Variants in SHOC2 observed in about 807,000 individuals in gnomAD.
SHOC2 encodes the protein leucine-rich repeat protein SHOC-2.
SHOC2 carries 4 observed loss-of-function variants against 50.2 expected under a neutral mutation model. The ratio of observed to expected loss-of-function variants is 0.08; its 90% CI spans 0.04 to 0.18. SHOC2 has a LOEUF of 0.18. SHOC2 is among the 10% of genes least tolerant of loss of function. The pLI is 1.00. For missense variants in SHOC2, 388 were observed against 669.6 expected (o/e 0.58, Z 4.64); for synonymous variants, 218 against 244.5 (o/e 0.89, Z 1.01).
At chr10:110,932,246 G>A (rs1846910176) in intron 1 of SHOC2, among the ~76,000 whole-genome samples, 1 of 152,184 alleles carries the variant, frequency 6.6e-6, no homozygotes. Context: ...AAAGTATGCA[G>A]GGGCTAGATC....
chr10:110,993,088 A>AAGTGGAGC (rs1175992932), intron 3 of SHOC2, among the ~76,000 whole-genome samples: 2 of 152,262 alleles, frequency 1.3e-5, no homozygotes, highest in Non-Finnish European at 2.9e-5. Flanking sequence ...CAAGCTGTCA[A>AAGTGGAGC]AGTGGAGCAC....
At chr10:110,925,029 C>T (rs1846730459) in intron 1 of SHOC2, among the ~76,000 whole-genome samples, 1 of 134,166 alleles carries the variant, frequency 7.5e-6, no homozygotes, top group Non-Finnish European at 1.5e-5. Context: ...CGAGAACATG[C>T]TACTGCACTC....
At chr10:110,944,639 A>G (rs984724313) in intron 1 of SHOC2, among the ~76,000 whole-genome samples, 4 of 152,268 alleles carry the variant, frequency 2.6e-5, no homozygotes, top group African/African-American at 9.6e-5. Context: ...ATAATTTGAC[A>G]ACTATGAAAA....
At chr10:110,921,324 A>G (rs1846644965) in intron 1 of SHOC2, among the ~76,000 whole-genome samples, 1 of 152,242 alleles carries the variant, frequency 6.6e-6, no homozygotes. Context: ...CATAAAGTAT[A>G]TTGTAAACTT....
In SHOC2 at chr10:110,964,152, G is replaced by A; in HGVS notation, c.-207G>A. On this transcript the variant is annotated 5_prime_UTR_variant, in exon 2 of 9. Coordinates refer to ENST00000369452, the MANE Select transcript of SHOC2 (RefSeq NM_007373.4). The surrounding 1 kb of genome is among the most constrained non-coding windows in gnomAD (Gnocchi z 4.9). Reference sequence around the variant, plus strand: ...ACTCTAATGAATCATTGATTGACCAGCACTATTTTACCAGTTGGAATGAAT... The same window carrying A: ...ACTCTAATGAATCATTGATTGACCAACACTATTTTACCAGTTGGAATGAAT... The A allele has an allele frequency of 1.6e-6, 1 of 641,170 alleles. No homozygotes were observed. The highest frequency in any genetic ancestry group is 2.1e-5 in the South Asian group (1 of 47,270). 39.7% of individuals were successfully genotyped at this position (641,170 alleles called of 1,614,324 possible).
intron 3 of SHOC2, among the ~76,000 whole-genome samples, chr10:110,997,568 C>T (rs1280163079): frequency 6.6e-6 from 1 of 151,980 alleles, no homozygotes; most frequent in African/African-American, 2.4e-5. Flanking sequence ...GAAAGTCTTT[C>T]ACATCTTAAA....
rs185498774 is a variant in SHOC2, at chr10:110,998,724, T to C, written c.842-1691T>C. Among the ~76,000 whole-genome samples the C allele has an allele frequency of 2.6e-5, 4 of 152,338 alleles. No homozygotes were observed. The South Asian group carries it at 6.2e-4, about 24-fold the overall frequency. The stretch of plus-strand genomic sequence containing the variant: ...TTTCTGCGTTATAGTTGACAACTTA[T>C]GGCATAGAATTATGAGTATTTTTTT... On this transcript the variant is annotated intron_variant, in intron 3 of 8. Transcript: ENST00000369452.
At chr10:110,995,059 G>A (rs930957168) in intron 3 of SHOC2, among the ~76,000 whole-genome samples, 1 of 152,134 alleles carries the variant, frequency 6.6e-6, no homozygotes, top group Non-Finnish European at 1.5e-5. Flanking sequence ...GAAGAAAATA[G>A]ATTTTTATGG....
chr10:111,001,151 A>T (rs1229601148), intron 4 of SHOC2, among the ~76,000 whole-genome samples: 1 of 141,234 alleles, frequency 7.1e-6, no homozygotes, highest in African/African-American at 2.5e-5. Context: ...TGGGTAAGAT[A>T]TAATACTTTT....
intron 1 of SHOC2, among the ~76,000 whole-genome samples, chr10:110,944,552 A>T (rs1009520716): frequency 1.3e-5 from 2 of 152,210 alleles, no homozygotes; most frequent in African/African-American, 4.8e-5. Context: ...GACATTTTAA[A>T]TAATAAATGA....
intron 1 of SHOC2, among the ~76,000 whole-genome samples, chr10:110,954,216 A>G (rs1231599367): frequency 6.6e-6 from 1 of 151,820 alleles, no homozygotes. Context: ...CTTTTTTACT[A>G]AAAGATATTG....
At chr10:110,948,673 C>G (rs565610774) in intron 1 of SHOC2, among the ~76,000 whole-genome samples, 1 of 151,960 alleles carries the variant, frequency 6.6e-6, no homozygotes, top group African/African-American at 2.4e-5. Context: ...AAAGGTGTCT[C>G]GAGACAAAAG....
At chr10:111,010,484 A>G (rs1033314707) in intron 8 of SHOC2, among the ~76,000 whole-genome samples, 4 of 152,148 alleles carry the variant, frequency 2.6e-5, no homozygotes, top group African/African-American at 9.7e-5. Context: ...TTGAACAATG[A>G]GAACACTTGG....
intron 5 of SHOC2, among the ~76,000 whole-genome samples, 158 bp downstream of exon 5, chr10:111,004,952 C>A (rs1848441410): frequency 6.6e-6 from 1 of 152,052 alleles, no homozygotes; most frequent in Admixed American, 6.6e-5. Context: ...TATCAGATAA[C>A]AAATATCTTA....
intron 1 of SHOC2, chr10:110,936,528 G>T: frequency 1.6e-6 from 1 of 619,470 alleles, no homozygotes; most frequent in South Asian, 1.9e-5. Context: ...TACTATTGCA[G>T]TATTTATCTT....
chr10:110,934,507 AT>A (rs1846964815), intron 1 of SHOC2, among the ~76,000 whole-genome samples: 1 of 152,226 alleles, frequency 6.6e-6, no homozygotes, highest in Non-Finnish European at 1.5e-5. Context: ...CATTTTTAAT[AT>A]CCGTACAACA....
At chr10:110,949,023 C>T (rs974605345) in intron 1 of SHOC2, among the ~76,000 whole-genome samples, 4 of 151,744 alleles carry the variant, frequency 2.6e-5, no homozygotes, top group South Asian at 2.1e-4. Flanking sequence ...CCATTGTGGC[C>T]CAAAGAAGCC....
At chr10:110,945,072 G>T (rs186592778) in intron 1 of SHOC2, among the ~76,000 whole-genome samples, 2 of 152,310 alleles carry the variant, frequency 1.3e-5, no homozygotes, top group African/African-American at 2.4e-5. Flanking sequence ...TCTGTTACGG[G>T]TATTTCATTC....
At chr10:110,948,066 T>TG (rs1336525388) in intron 1 of SHOC2, among the ~76,000 whole-genome samples, 1 of 151,986 alleles carries the variant, frequency 6.6e-6, no homozygotes, top group African/African-American at 2.4e-5. Context: ...CAGAAGAGAA[T>TG]GGGGTGGCTA....
Sources: gnomAD v4.1 joint callset for allele counts (sites outside exome capture counted in the v4.1 genomes callset) on GRCh38, gnomAD v4.1.1 for gene constraint, Gnocchi (gnomAD v3.1) non-coding constraint, MANE v1.5 for transcripts, NCBI Gene and HGNC (gene_info 2026-07-23, HGNC 2026-07-21) for gene names.